Variants in ZSWIM5 observed in about 807,000 individuals in gnomAD.
ZSWIM5 encodes zinc finger SWIM domain-containing protein 5.
ZSWIM5 carries 55 observed loss-of-function variants against 119.6 expected under a neutral mutation model. The ratio of observed to expected loss-of-function variants is 0.46; its 90% CI spans 0.37 to 0.58. The LOEUF is 0.58. Among genes scored for constraint, ZSWIM5 ranks in the 20% least tolerant of loss-of-function variants. The pLI, the probability that ZSWIM5 is intolerant of heterozygous loss-of-function variation, is 0.00. For missense variants in ZSWIM5, 1,193 were observed against 1,512.8 expected, an observed-to-expected ratio of 0.79 and a Z score of 3.51; for synonymous variants, 537 against 606.9, an observed-to-expected ratio of 0.88 and a Z score of 1.69.
chr1:45,058,013 C>CT (rs1009118713), intron 4 of ZSWIM5, among the ~76,000 whole-genome samples: 71 of 152,176 alleles, frequency 4.7e-4, no homozygotes, highest in African/African-American at 1.7e-3. Flanking sequence ...TCACAAGAGC[C>CT]TTTTTTTGTA....
Position 45,206,540 on chromosome 1 carries a change from A to G in ZSWIM5, c.-190T>C. 1 of 1,018,412 alleles carries G rather than the reference A, an allele frequency of 9.8e-7. No homozygotes were observed. The highest frequency in any genetic ancestry group is 1.2e-6 in the Non-Finnish European group (1 of 853,132). 63.1% of individuals were successfully genotyped at this position (1,018,412 alleles called of 1,614,324 possible). ...GCCCGGGAGCGCGCCGCGAGGGCAGACGCGGGCGGCCTGCAGGGTAGCGTG... is the reference window on the plus strand; with the variant it reads ...GCCCGGGAGCGCGCCGCGAGGGCAGGCGCGGGCGGCCTGCAGGGTAGCGTG... On this transcript the variant is annotated 5_prime_UTR_variant, in exon 1 of 14. Coordinates refer to ENST00000359600, the MANE Select transcript of ZSWIM5 (RefSeq NM_020883.2).
chr1:45,044,789 A>AT (rs1645041341), intron 5 of ZSWIM5, among the ~76,000 whole-genome samples: 1 of 2,814 alleles, frequency 3.6e-4, no homozygotes, highest in East Asian at 0.01. Context: ...ATATATATAT[A>AT]AATATATATA....
Position 45,018,777 on chromosome 1 carries a change from G to T in ZSWIM5, c.3235C>A (p.Arg1079=). 6.2e-7 allele frequency: 1 copy of T among 1,614,238 alleles called. No individual in the cohort carries two copies. Among genetic ancestry groups the T allele is most frequent in the Non-Finnish European group, 8.5e-7 (1 of 1,180,042 alleles). The change falls in exon 14 of 14, where the codon CGA becomes AGA. Residue 1079 remains arginine, a synonymous_variant. Transcript: ENST00000359600. This position sits in a 1 kb window ranked among gnomAD's most constrained non-coding sequence, Gnocchi z 6.7. ...HCATVLSDIL[R]RCTVTAPGLA... is the part of the protein sequence containing the mutation. ...CCAGGTGCAGTCACTGTGCAGCGTC[G>T]TAAGATGTCTGAAAGCACTGTGGCA...
chr1:45,166,008 CA>C (rs1390307030), intron 1 of ZSWIM5, among the ~76,000 whole-genome samples: 2 of 152,080 alleles, frequency 1.3e-5, no homozygotes, highest in Admixed American at 6.6e-5. Flanking sequence ...GGCAGAGACA[CA>C]ACAAAAAAAG....
Position 45,107,045 on chromosome 1 carries a change from A to G in ZSWIM5, c.596-18808T>C, listed in dbSNP as rs1469209287. Among the ~76,000 whole-genome samples the G allele has an allele frequency of 3.9e-5, 6 of 152,300 alleles. No individual in the cohort carries two copies. The East Asian group carries it at 9.7e-4, about 25-fold the overall frequency. ...TCGTTAAGAGTCATCACCACTCCCT[A>G]ATCTCAAGTACCCAGGGACACAAAC... On this transcript the variant is annotated intron_variant, in intron 1 of 13. Transcript: ENST00000359600.
At position 45,206,226 on chromosome 1, in the gene ZSWIM5, C is replaced by T. The variant is rs1204509465; in HGVS notation, c.125G>A (p.Gly42Glu). Residue 42 changes from glycine (G) to glutamate (E), a missense_variant, in exon 1 of 14, where the codon GGA becomes GAA. This residue lies in a region of ZSWIM5 where 232 missense variants were observed against 222.9 expected (regional missense o/e 1.04). Coordinates refer to ENST00000359600, the MANE Select transcript of ZSWIM5 (RefSeq NM_020883.2). ...HPRGSPGAAG[G>E]GAGGVGSSCL... ...GCTGCTGCCGACGCCCCCTGCCCCTCCGCCGGCTGCCCCAGGCGAACCGCG... is the reference window on the plus strand; with the variant it reads ...GCTGCTGCCGACGCCCCCTGCCCCTTCGCCGGCTGCCCCAGGCGAACCGCG... 1.3e-6 allele frequency: 2 copies of T among 1,584,622 alleles called. No individual in the cohort carries two copies. The highest frequency in any genetic ancestry group is 1.8e-5 in the Admixed American group (1 of 55,354).
intron 1 of ZSWIM5, among the ~76,000 whole-genome samples, chr1:45,112,584 A>G (rs375690384): frequency 1.3e-5 from 2 of 152,332 alleles, no homozygotes; most frequent in East Asian, 1.9e-4. Flanking sequence ...ATGATTAAAA[A>G]TGACTCCTGA....
At chr1:45,090,790 C>T (rs1570085374) in intron 1 of ZSWIM5, among the ~76,000 whole-genome samples, 1 of 151,606 alleles carries the variant, frequency 6.6e-6, no homozygotes, top group East Asian at 1.9e-4. Context: ...TGCCACTGCA[C>T]TCTAGCCTGG....
chr1:45,145,194 T>C (rs1370718149), intron 1 of ZSWIM5, among the ~76,000 whole-genome samples: 1 of 152,098 alleles, frequency 6.6e-6, no homozygotes, highest in African/African-American at 2.4e-5. Flanking sequence ...GAACCAGAAC[T>C]CTCATGCTTT....
At chr1:45,046,917 G>A (rs1233923061) in intron 5 of ZSWIM5, among the ~76,000 whole-genome samples, 1 of 150,854 alleles carries the variant, frequency 6.6e-6, no homozygotes, top group African/African-American at 2.4e-5. Context: ...CCAGCTACTC[G>A]GGAGGCTGAG....
At chr1:45,158,769 A>G (rs1193228925) in intron 1 of ZSWIM5, among the ~76,000 whole-genome samples, 1 of 152,204 alleles carries the variant, frequency 6.6e-6, no homozygotes, top group Non-Finnish European at 1.5e-5. Context: ...CTTAGACTGC[A>G]AAACTCTAAA....
intron 1 of ZSWIM5, among the ~76,000 whole-genome samples, chr1:45,124,252 A>G (rs78855733): frequency 2.0e-5 from 3 of 151,724 alleles, no homozygotes; most frequent in Non-Finnish European, 2.9e-5. Flanking sequence ...TGACACTTGG[A>G]AAAAAAAATT....
intron 1 of ZSWIM5, among the ~76,000 whole-genome samples, chr1:45,157,687 C>CT (rs1645836226): frequency 6.6e-6 from 1 of 151,606 alleles, no homozygotes; most frequent in Admixed American, 6.6e-5. Context: ...TTGAAATGCA[C>CT]TTTCATTTGG....
At chr1:45,051,022 C>T in intron 5 of ZSWIM5, 52 bp downstream of exon 5, 1 of 1,563,350 alleles carries the variant, frequency 6.4e-7, no homozygotes. Context: ...GGTTTACCCT[C>T]CCACCTTTTG....
At chr1:45,081,215 T>C (rs1330399097) in intron 2 of ZSWIM5, among the ~76,000 whole-genome samples, 19 of 151,814 alleles carry the variant, frequency 1.3e-4, no homozygotes, top group Admixed American at 7.9e-4. Context: ...TATATTCAAC[T>C]GTTTATCAGA....
chr1:45,115,173 G>C (rs548694922), intron 1 of ZSWIM5, among the ~76,000 whole-genome samples: 5 of 152,364 alleles, frequency 3.3e-5, no homozygotes, highest in African/African-American at 1.2e-4. Flanking sequence ...CCTCCCAGAC[G>C]GGGTGGCCGC....
intron 1 of ZSWIM5, among the ~76,000 whole-genome samples, chr1:45,113,912 G>T (rs529850422): frequency 6.6e-6 from 1 of 152,256 alleles, no homozygotes; most frequent in South Asian, 2.1e-4. Context: ...GTTGAACCTT[G>T]CTTAGTCTAA....
At chr1:45,024,801 C>T (rs1009628043) in intron 11 of ZSWIM5, among the ~76,000 whole-genome samples, 5 of 151,916 alleles carry the variant, frequency 3.3e-5, no homozygotes, top group Admixed American at 6.6e-5. Flanking sequence ...ATTACAGATG[C>T]GTGATACCAT....
At chr1:45,126,079 A>G (rs1645619549) in intron 1 of ZSWIM5, among the ~76,000 whole-genome samples, 1 of 151,824 alleles carries the variant, frequency 6.6e-6, no homozygotes, top group Non-Finnish European at 1.5e-5. Context: ...AAAATAATTA[A>G]TTAAATTTAA....
Sources: allele counts gnomAD v4.1 joint callset (sites outside exome capture counted in the v4.1 genomes callset), GRCh38; gene constraint gnomAD v4.1.1; regional missense constraint gnomAD v4.1.1; non-coding constraint Gnocchi (gnomAD v3.1); transcripts MANE v1.5; gene names NCBI Gene and HGNC (gene_info 2026-07-23, HGNC 2026-07-21).